CSMD1: variants seen among roughly 807,000 people sequenced by gnomAD.
CSMD1 encodes CUB and sushi domain-containing protein 1.
A neutral mutation model predicts 417.5 loss-of-function variants in CSMD1; 213 were observed. The observed-to-expected ratio is 0.51, with a 90% confidence interval of 0.46 to 0.57. The LOEUF (loss-of-function observed/expected upper bound fraction) is 0.57, where lower values mean the gene tolerates loss of function less well. Ranked by LOEUF, CSMD1 falls within the 20% of genes least tolerant of loss-of-function variation. The pLI is 0.00. For synonymous variants in CSMD1, 2,862 were observed against 1,736.8 expected, an observed-to-expected ratio of 1.65 and a Z score of -16.11; for missense variants, 6,923 against 4,529.7, an observed-to-expected ratio of 1.53 and a Z score of -15.17.
At chr8:3,624,652 G>T (rs17066629) in intron 7 of CSMD1, among the ~76,000 whole-genome samples, 2,797 of 152,244 alleles carry the variant, frequency 0.018, 77 homozygotes, top group African/African-American at 0.063. Flanking sequence ...TGTTCTCATT[G>T]AAATTTTTAG....
At chr8:4,134,916 T>C (rs1383552876) in intron 3 of CSMD1, among the ~76,000 whole-genome samples, 1 of 152,198 alleles carries the variant, frequency 6.6e-6, no homozygotes, top group Admixed American at 6.5e-5. Context: ...ATCTAGTTTT[T>C]GCTAAACTCT....
chr8:3,680,080 G>C (rs1005842052), intron 7 of CSMD1, among the ~76,000 whole-genome samples: 2 of 152,054 alleles, frequency 1.3e-5, no homozygotes, highest in African/African-American at 4.8e-5. Flanking sequence ...ACAAGAGAAA[G>C]CAGGAAAGAC....
intron 1 of CSMD1, among the ~76,000 whole-genome samples, chr8:4,751,864 G>A (rs1004674552): frequency 1.3e-5 from 2 of 152,158 alleles, no homozygotes; most frequent in Non-Finnish European, 2.9e-5. Flanking sequence ...GCATTGGTGT[G>A]CAGTTTAGTT....
intron 23 of CSMD1, among the ~76,000 whole-genome samples, chr8:3,339,768 C>T (rs186079089): frequency 3.3e-5 from 5 of 152,268 alleles, no homozygotes; most frequent in Non-Finnish European, 5.9e-5. Context: ...GATCACACAT[C>T]TGTGTAAGGT....
chr8:4,852,233 G>C (rs1008677610), intron 1 of CSMD1, among the ~76,000 whole-genome samples: 2 of 152,180 alleles, frequency 1.3e-5, no homozygotes, highest in Non-Finnish European at 2.9e-5. Flanking sequence ...CCAAATCTCA[G>C]GTTGAAATGT....
At chr8:4,283,784 AAT>A (rs1168356750) in intron 3 of CSMD1, among the ~76,000 whole-genome samples, 1 of 32,998 alleles carries the variant, frequency 3.0e-5, no homozygotes. Flanking sequence ...CCAAAAGGAG[AAT>A]AAAAAAAAAA....
chr8:4,937,626 G>C (rs960222452), intron 1 of CSMD1, among the ~76,000 whole-genome samples: 1 of 152,172 alleles, frequency 6.6e-6, no homozygotes, highest in African/African-American at 2.4e-5. Flanking sequence ...CAGAGTATCT[G>C]ACGGAGGCAT....
intron 6 of CSMD1, among the ~76,000 whole-genome samples, chr8:3,735,068 A>AC (rs2129048720): frequency 6.6e-6 from 1 of 152,296 alleles, no homozygotes; most frequent in South Asian, 2.1e-4. Context: ...ACATGGGAGG[A>AC]CACACGCCAG....
At chr8:4,206,288 G>C (rs1276359829) in intron 3 of CSMD1, among the ~76,000 whole-genome samples, 1 of 152,032 alleles carries the variant, frequency 6.6e-6, no homozygotes, top group Non-Finnish European at 1.5e-5. Flanking sequence ...TTGGTGTGCT[G>C]CACCCATTAA....
chr8:4,215,020 C>T (rs1284632238), intron 3 of CSMD1, among the ~76,000 whole-genome samples: 1 of 152,102 alleles, frequency 6.6e-6, no homozygotes. Context: ...TCAATTCTGC[C>T]TCAGTTTTAA....
intron 6 of CSMD1, among the ~76,000 whole-genome samples, chr8:3,746,945 G>C (rs558046836): frequency 6.6e-6 from 1 of 152,296 alleles, no homozygotes; most frequent in East Asian, 1.9e-4. Context: ...GCCTGGAACA[G>C]GCCAGTCTGA....
intron 3 of CSMD1, among the ~76,000 whole-genome samples, chr8:4,230,914 G>T (rs940096929): frequency 6.6e-6 from 1 of 152,010 alleles, no homozygotes; most frequent in African/African-American, 2.4e-5. Context: ...TATATGCTGT[G>T]ATTTTTTAAT....
chr8:4,188,872 G>C (rs1031092029), intron 3 of CSMD1, among the ~76,000 whole-genome samples: 1 of 151,972 alleles, frequency 6.6e-6, no homozygotes, highest in Non-Finnish European at 1.5e-5. Flanking sequence ...TTTGTTATTG[G>C]GTCTATGGAT....
At chr8:3,632,739 T>A (rs1391798489) in intron 7 of CSMD1, among the ~76,000 whole-genome samples, 1 of 152,176 alleles carries the variant, frequency 6.6e-6, no homozygotes, top group African/African-American at 2.4e-5. Context: ...CACACCAATG[T>A]CCTTGCCAAG....
At chr8:3,405,400 C>T (rs575720837) in intron 15 of CSMD1, among the ~76,000 whole-genome samples, 1 of 152,016 alleles carries the variant, frequency 6.6e-6, no homozygotes, top group Non-Finnish European at 1.5e-5. Context: ...GTAACCAGAA[C>T]AGAAATATGA....
chr8:4,406,172 G>A (rs893548675), intron 3 of CSMD1, among the ~76,000 whole-genome samples: 2 of 152,176 alleles, frequency 1.3e-5, no homozygotes, highest in Non-Finnish European at 2.9e-5. Flanking sequence ...ATTTAGATAT[G>A]CTGAGTAGGA....
chr8:4,917,826 T>C (rs370240125), intron 1 of CSMD1, among the ~76,000 whole-genome samples: 3 of 151,774 alleles, frequency 2.0e-5, no homozygotes, highest in African/African-American at 7.3e-5. Context: ...GTGGCAGTGG[T>C]TCAGATGGAG....
chr8:3,190,444 G>C (rs1270372476), intron 33 of CSMD1, among the ~76,000 whole-genome samples: 1 of 152,156 alleles, frequency 6.6e-6, no homozygotes, highest in Non-Finnish European at 1.5e-5. Context: ...TTATGAGGAC[G>C]GATTGATATT....
intron 5 of CSMD1, among the ~76,000 whole-genome samples, chr8:3,844,952 G>A (rs1381996679): frequency 6.6e-6 from 1 of 152,086 alleles, no homozygotes; most frequent in Admixed American, 6.6e-5. Context: ...TTATTTTAAT[G>A]AATTAAGATT....
Sources: allele counts gnomAD v4.1 joint callset (sites outside exome capture counted in the v4.1 genomes callset), GRCh38; gene constraint gnomAD v4.1.1; transcripts MANE v1.5; gene names NCBI Gene and HGNC (gene_info 2026-07-23, HGNC 2026-07-21).